KDM4C: variants seen among roughly 807,000 people sequenced by gnomAD.
KDM4C encodes the protein lysine demethylase 4C, also known as lysine-specific demethylase 4C.
A neutral mutation model predicts 129.3 loss-of-function variants in KDM4C; 81 were observed. The ratio of observed to expected loss-of-function variants is 0.63; its 90% CI spans 0.52 to 0.75. The LOEUF is 0.75. Among genes scored for constraint, KDM4C ranks in the 30% least tolerant of loss-of-function variants. The probability of loss-of-function intolerance (pLI) is 0.00; values close to 1 mark genes in which losing one functional copy is unlikely to be tolerated. For missense variants in KDM4C, 1,457 were observed against 1,304.0 expected (o/e 1.12, Z -1.81); for synonymous variants, 573 against 456.1 (o/e 1.26, Z -3.26).
At chr9:7,053,481 G>A (rs1830487393) in intron 17 of KDM4C, among the ~76,000 whole-genome samples, 1 of 152,170 alleles carries the variant, frequency 6.6e-6, no homozygotes, top group Non-Finnish European at 1.5e-5. Context: ...AATGGTGTGT[G>A]CTTCATGGAG....
At chr9:6,955,766 C>G (rs1828957184) in intron 8 of KDM4C, among the ~76,000 whole-genome samples, 1 of 152,186 alleles carries the variant, frequency 6.6e-6, no homozygotes, top group African/African-American at 2.4e-5. Flanking sequence ...GAAAAATACA[C>G]ACTCTGTATC....
chr9:7,019,686 T>TTATAAAAATATAATATTTTATA (rs1824309165), intron 15 of KDM4C, among the ~76,000 whole-genome samples: 2 of 58,600 alleles, frequency 3.4e-5, no homozygotes, highest in Admixed American at 1.4e-4. Context: ...AGAGACTATA[T>TTATAAAAATATAATATTTTATA]TATAAAAATA....
intron 15 of KDM4C, among the ~76,000 whole-genome samples, chr9:7,033,514 A>G (rs3802404): frequency 0.55 from 82,982 of 151,974 alleles, 23,402 homozygotes; most frequent in Non-Finnish European, 0.62. Flanking sequence ...TTAACCAAAC[A>G]GAAGAGCACA....
At chr9:6,980,414 C>T (rs1816564059) in intron 8 of KDM4C, among the ~76,000 whole-genome samples, 1 of 152,118 alleles carries the variant, frequency 6.6e-6, no homozygotes, top group Non-Finnish European at 1.5e-5. Context: ...AAAGGCTGTT[C>T]ATTTGCTCCT....
At chr9:6,855,937 C>T (rs1303086149) in intron 5 of KDM4C, among the ~76,000 whole-genome samples, 5 of 152,092 alleles carry the variant, frequency 3.3e-5, no homozygotes, top group African/African-American at 4.8e-5. Context: ...GATGGGGTCT[C>T]GCTGGGTTGC....
intron 8 of KDM4C, among the ~76,000 whole-genome samples, chr9:6,946,007 A>C (rs920122953): frequency 1.3e-5 from 2 of 152,150 alleles, no homozygotes; most frequent in African/African-American, 2.4e-5. Flanking sequence ...GTTGTGGTAA[A>C]TGAATGTAAA....
chr9:6,945,597 A>T (rs924601614), intron 8 of KDM4C, among the ~76,000 whole-genome samples: 3 of 152,210 alleles, frequency 2.0e-5, no homozygotes, highest in African/African-American at 7.2e-5. Flanking sequence ...ATAATCTGAG[A>T]ATTTATCAAA....
chr9:6,880,169 T>C (rs1033474149), intron 6 of KDM4C, 108 bp downstream of exon 6: 1 of 549,106 alleles, frequency 1.8e-6, no homozygotes, highest in Non-Finnish European at 3.2e-6. Flanking sequence ...ACTCTGTTGG[T>C]TTTATTCTAT....
At chr9:6,936,008 T>C (rs913325313) in intron 8 of KDM4C, among the ~76,000 whole-genome samples, 1 of 152,216 alleles carries the variant, frequency 6.6e-6, no homozygotes, top group African/African-American at 2.4e-5. Flanking sequence ...AGTGTACTTA[T>C]GTTTAATATT....
chr9:6,978,425 T>G (rs781082478), intron 8 of KDM4C, among the ~76,000 whole-genome samples: 1 of 152,162 alleles, frequency 6.6e-6, no homozygotes, highest in Non-Finnish European at 1.5e-5. Context: ...AAAAATTTAG[T>G]ATAGGTGGGT....
intron 4 of KDM4C, among the ~76,000 whole-genome samples, chr9:6,832,582 T>A (rs7864152): frequency 1.4e-5 from 2 of 147,686 alleles, no homozygotes; most frequent in African/African-American, 5.0e-5. Flanking sequence ...CCCGCCACCA[T>A]GCCCAGCTAA....
chr9:7,057,916 A>G (rs1055513600), intron 17 of KDM4C, among the ~76,000 whole-genome samples: 13 of 152,204 alleles, frequency 8.5e-5, no homozygotes, highest in Non-Finnish European at 4.4e-5. Context: ...CGGACATCGC[A>G]TGTTGAAAAG....
intron 5 of KDM4C, among the ~76,000 whole-genome samples, chr9:6,869,379 C>G (rs968102989): frequency 6.6e-6 from 1 of 152,302 alleles, no homozygotes. Flanking sequence ...CTCTTAGATG[C>G]CTAGCTTACA....
rs116655564 is a variant in KDM4C at position 6,883,848 on chromosome 9, G to A, written c.679+3787G>A. On this transcript the variant is annotated intron_variant, in intron 6 of 21. Transcript: ENST00000381309. ...GCTTGGGGAGTCCTTGGTGACTTGT[G>A]CGTAGATTATCCATGGATATTTCAA... is the stretch of plus-strand genomic sequence containing the variant. Among the ~76,000 whole-genome samples, 811 of 152,158 alleles carry A rather than the reference G, an allele frequency of 5.3e-3. 7 individuals are homozygous for A. Among genetic ancestry groups the A allele is most frequent in the African/African-American group, 0.019 (781 of 41,496 alleles).
At chr9:7,054,739 A>C (rs1830641887) in intron 17 of KDM4C, among the ~76,000 whole-genome samples, 1 of 152,216 alleles carries the variant, frequency 6.6e-6, no homozygotes, top group East Asian at 1.9e-4. Flanking sequence ...TGCAGCTTAA[A>C]TTAATTAAAG....
chr9:6,961,871 T>C (rs9657633), intron 8 of KDM4C, among the ~76,000 whole-genome samples: 49,331 of 152,078 alleles, frequency 0.32, 8,827 homozygotes, highest in East Asian at 0.64. Flanking sequence ...TTCTAGCTTA[T>C]GGTGTTTTAA....
chr9:7,083,373 T>C (rs1168215274), intron 17 of KDM4C, among the ~76,000 whole-genome samples: 1 of 152,256 alleles, frequency 6.6e-6, no homozygotes, highest in Non-Finnish European at 1.5e-5. Context: ...ATTAGATATA[T>C]TCAGTGTGCA....
chr9:6,857,183 G>A (rs1840012806), intron 5 of KDM4C, among the ~76,000 whole-genome samples: 1 of 152,046 alleles, frequency 6.6e-6, no homozygotes, highest in Admixed American at 6.6e-5. Context: ...AGATAGTATT[G>A]TTACTTTGGG....
At chr9:6,840,298 C>A (rs1836678994) in intron 4 of KDM4C, among the ~76,000 whole-genome samples, 1 of 151,916 alleles carries the variant, frequency 6.6e-6, no homozygotes, top group African/African-American at 2.4e-5. Context: ...GTCTTGAACT[C>A]CTGGGCTCAA....
Sources: gnomAD v4.1 joint callset for allele counts (sites outside exome capture counted in the v4.1 genomes callset) on GRCh38, gnomAD v4.1.1 for gene constraint, MANE v1.5 for transcripts, NCBI Gene and HGNC (gene_info 2026-07-23, HGNC 2026-07-21) for gene names.